TRNT1: variants seen among roughly 807,000 people sequenced by gnomAD.
TRNT1 encodes tRNA nucleotidyl transferase 1, also known as CCA tRNA nucleotidyltransferase 1, mitochondrial.
TRNT1 carries 44 observed loss-of-function variants against 45.6 expected under a neutral mutation model. The observed-to-expected ratio is 0.97, with a 90% CI of 0.76 to 1.24. The LOEUF (loss-of-function observed/expected upper bound fraction) is 1.24. Among genes scored for constraint, TRNT1 ranks in the 50% most tolerant of loss-of-function variants. The probability of loss-of-function intolerance (pLI) is 0.00; values close to 1 mark genes in which losing one functional copy is unlikely to be tolerated. For missense variants in TRNT1, 633 were observed against 504.4 expected (o/e 1.25, Z -2.44); for synonymous variants, 201 against 171.4 (o/e 1.17, Z -1.35).
intron 1 of TRNT1, among the ~76,000 whole-genome samples, chr3:3,128,322 C>T (rs1180100201): frequency 6.6e-6 from 1 of 152,196 alleles, no homozygotes; most frequent in African/African-American, 2.4e-5. Flanking sequence ...TGTGGCCGGG[C>T]TCAGTGGCTC....
At position 3,135,096 on chromosome 3, in the gene TRNT1, G is replaced by A. The variant is rs190882969; in HGVS notation, c.149-2164G>A. 5.8e-4 allele frequency among the ~76,000 whole-genome samples: 88 copies of A among 152,236 alleles called. 1 individual carries two copies. Among genetic ancestry groups the A allele is most frequent in the African/African-American group, 2.0e-3 (84 of 41,562 alleles). ...GTAGGTTTTCTTTTATGATACTTTTGTTTGCCATGTAGACATACAAATTTT... is the reference window on the plus strand; with the variant it reads ...GTAGGTTTTCTTTTATGATACTTTTATTTGCCATGTAGACATACAAATTTT... On this transcript the variant is annotated intron_variant, in intron 2 of 7. Coordinates refer to ENST00000251607, the MANE Select transcript of TRNT1 (RefSeq NM_182916.3).
At position 3,148,246 on chromosome 3, in the gene TRNT1, A is replaced by G; in HGVS notation, c.*92A>G. 1 of 1,432,694 alleles carries G rather than the reference A, an allele frequency of 7.0e-7. No homozygotes were observed. The highest frequency in any genetic ancestry group is 9.4e-7 in the Non-Finnish European group (1 of 1,058,486). 88.7% of individuals were successfully genotyped at this position (1,432,694 alleles called of 1,614,324 possible). On this transcript the variant is annotated 3_prime_UTR_variant, in exon 8 of 8. Coordinates refer to ENST00000251607, the MANE Select transcript of TRNT1 (RefSeq NM_182916.3). ...AGGTTTTAGAGACTACACCAGAATA[A>G]AAGACAGTTTAGGGGACCTCTGTAG... is the stretch of plus-strand genomic sequence containing the variant.
chr3:3,129,046 G>C lies in TRNT1; in HGVS notation c.6G>C (p.Leu2=). 6.2e-7 allele frequency: 1 copy of C among 1,608,092 alleles called. No individual in the cohort carries two copies. Among genetic ancestry groups the C allele is most frequent in the African/African-American group, 1.3e-5 (1 of 74,914 alleles). The change falls in exon 2 of 8, where the codon CTG becomes CTC. Residue 2 remains leucine, a synonymous_variant. Transcript: ENST00000251607. ...GTTGGTGACTGCCTCTCCAGATGCT[G>C]AGGTGCCTGTATCATTGGCACAGGC... M[L]RCLYHWHRPV...
chr3:3,142,965 G>C (rs550190017), intron 4 of TRNT1, among the ~76,000 whole-genome samples: 62 of 152,284 alleles, frequency 4.1e-4, no homozygotes, highest in African/African-American at 1.4e-3. Flanking sequence ...ACTATTAACA[G>C]CTTGGAAAGA....
intron 2 of TRNT1, among the ~76,000 whole-genome samples, chr3:3,133,530 C>G (rs1374504135): frequency 6.6e-6 from 1 of 151,558 alleles, no homozygotes; most frequent in Non-Finnish European, 1.5e-5. Flanking sequence ...TGCACTCCAG[C>G]CTGGATGACA....
chr3:3,146,875 T>G (rs1021300430), intron 6 of TRNT1, among the ~76,000 whole-genome samples: 2 of 152,164 alleles, frequency 1.3e-5, no homozygotes, highest in African/African-American at 4.8e-5. Context: ...CCTTATCTAG[T>G]CTTTGCAACT....
chr3:3,150,295 A>C (rs138344480), downstream of TRNT1: 1,664 of 152,114 alleles, frequency 0.011, 29 homozygotes, highest in Middle Eastern at 0.027. Context: ...TGCATATTTT[A>C]ACTAATTTTC....
intron 2 of TRNT1, among the ~76,000 whole-genome samples, chr3:3,133,470 G>A (rs1419927545): frequency 6.6e-6 from 1 of 151,892 alleles, no homozygotes; most frequent in African/African-American, 2.4e-5. Context: ...GAGGCAGGGG[G>A]TTCCTTGAAC....
downstream of TRNT1, chr3:3,152,390 T>C: frequency 6.6e-7 from 1 of 1,509,354 alleles, no homozygotes; most frequent in African/African-American, 1.4e-5. Flanking sequence ...TGCTTAGGAC[T>C]CTGGATTTTT....
In TRNT1 at chr3:3,140,574, C is replaced by G; in HGVS notation, c.407C>G (p.Ala136Gly). The change falls in exon 4 of 8, where the codon GCT becomes GGT. Residue 136 changes from alanine to glycine, a missense_variant. By Grantham distance (60) the Ala-to-Gly change is moderately conservative. Transcript: ENST00000251607. ...RIDVTTDGRH[A>G]EVEFTTDWQK... ...GATGTCACCACTGATGGAAGACATG[C>G]TGAGGTAGAATTTACAACTGACTGG... 2 of 1,614,130 alleles carry G rather than the reference C, an allele frequency of 1.2e-6. No individual in the cohort carries two copies. Among genetic ancestry groups the G allele is most frequent in the Non-Finnish European group, 1.7e-6 (2 of 1,179,994 alleles).
chr3:3,144,932 C>T (rs1705894080), intron 5 of TRNT1: 1 of 268,290 alleles, frequency 3.7e-6, no homozygotes, highest in Non-Finnish European at 6.7e-6. Context: ...TGTCATCTTT[C>T]CTACAATTTT....
At position 3,144,606 on chromosome 3, in the gene TRNT1, C is replaced by T. The variant is rs2126031139; in HGVS notation, c.504C>T (p.Asp168=). Residue 168 remains aspartate (D), a synonymous_variant, in exon 5 of 8, where the codon GAC becomes GAT. Transcript: ENST00000251607. ...MFLGFDGTLF[D]YFNGYEDLKN... ...TAGGTTTTGATGGCACTTTATTTGACTACTTTAATGGTTATGAAGATTTAA... is the reference window on the plus strand; with the variant it reads ...TAGGTTTTGATGGCACTTTATTTGATTACTTTAATGGTTATGAAGATTTAA... 1 of 1,582,236 alleles carries T rather than the reference C, an allele frequency of 6.3e-7. No homozygotes were observed. Among genetic ancestry groups the T allele is most frequent in the Non-Finnish European group, 8.6e-7 (1 of 1,160,436 alleles).
chr3:3,129,132 A>G lies in TRNT1; in HGVS notation c.92A>G (p.Lys31Arg), dbSNP rs1704822519. The G allele has an allele frequency of 6.2e-7, 1 of 1,613,952 alleles. No homozygotes were observed. The highest frequency in any genetic ancestry group is 1.3e-5 in the African/African-American group (1 of 74,918). The part of the protein sequence containing the change: ...CLPKQYLFTM[K>R]LQSPEFQSLF... ...CCGAAGCAGTATCTATTCACAATGA[A>G]GTTGCAGTCTCCCGAATTCCAGTCA... is the stretch of plus-strand genomic sequence containing the variant. The change falls in exon 2 of 8, where the codon AAG (lysine) becomes AGG (arginine). Residue 31 changes from lysine to arginine, a missense_variant. Coordinates refer to ENST00000251607, the MANE Select transcript of TRNT1 (RefSeq NM_182916.3).
Position 3,129,103 on chromosome 3 carries a change from C to T in TRNT1, c.63C>T (p.Cys21=), listed in dbSNP as rs1307913419. 3.1e-6 allele frequency: 5 copies of T among 1,613,782 alleles called. No individual in the cohort carries two copies. In the East Asian group the frequency reaches 1.1e-4, roughly 36 times the overall value. ...TGAACCGTAGGTGGAGTAGGCTGTG[C>T]CTTCCGAAGCAGTATCTATTCACAA... The part of the protein sequence containing the change: ...PVLNRRWSRL[C]LPKQYLFTMK... Residue 21 remains cysteine, a synonymous_variant, in exon 2 of 8, where the codon TGC becomes TGT. Transcript: ENST00000251607.
downstream of TRNT1, chr3:3,153,203 T>C: frequency 2.0e-6 from 1 of 489,752 alleles, no homozygotes; most frequent in Non-Finnish European, 3.7e-6. Context: ...TTGTTTTACT[T>C]TACCATGCTC....
In TRNT1 at chr3:3,128,613, A is replaced by G. The variant is rs918921489; in HGVS notation, c.-27-401A>G. Among the ~76,000 whole-genome samples the G allele has an allele frequency of 3.5e-4, 47 of 132,810 alleles. No individual in the cohort carries two copies. In the East Asian group the frequency reaches 8.6e-3, roughly 24 times the overall value. 87.1% of individuals were successfully genotyped at this position (132,810 alleles called of 152,430 possible). A position where few individuals can be genotyped will look rare whatever the true frequency, so the allele number is the denominator to read the frequency against. On this transcript the variant is annotated intron_variant, in intron 1 of 7. Transcript: ENST00000251607. Reference sequence around the variant, plus strand: ...GACTCCATCTCAAAAAAAAAAAAAAAAAAAAAAAGAATTCCTTTGTTATTT... The same window carrying G: ...GACTCCATCTCAAAAAAAAAAAAAAGAAAAAAAAGAATTCCTTTGTTATTT...
rs1655170920 is a variant in TRNT1 at position 3,146,561 on chromosome 3, T to G, written c.740T>G (p.Val247Gly). ...RIWVELKKIL[V>G]GNHVNHLIHL... ...TGGGTGGAACTGAAAAAAATTCTTG[T>G]TGGTAACCATGTAAATCATTTGATT... The change falls in exon 6 of 8, where the codon GTT (valine) becomes GGT (glycine). Residue 247 changes from valine (V) to glycine (G), a missense_variant. By Grantham distance (109) the Val-to-Gly change is moderately radical. Coordinates refer to ENST00000251607, the MANE Select transcript of TRNT1 (RefSeq NM_182916.3). 1.9e-6 allele frequency: 3 copies of G among 1,614,026 alleles called. No individual in the cohort carries two copies. The highest frequency in any genetic ancestry group is 2.5e-6 in the Non-Finnish European group (3 of 1,179,958).
At chr3:3,149,428 G>GT (rs1379712321), downstream of TRNT1, 18 of 150,526 alleles carry the variant, frequency 1.2e-4, no homozygotes, top group African/African-American at 4.3e-4. Context: ...GTATATGTGT[G>GT]TTTTTACAGA....
At chr3:3,144,915 T>C (rs1472069968) in intron 5 of TRNT1, 1 of 313,488 alleles carries the variant, frequency 3.2e-6, no homozygotes, top group Non-Finnish European at 5.5e-6. Context: ...AACGCACATA[T>C]ACTTTATGTC....
Sources: allele counts gnomAD v4.1 joint callset (sites outside exome capture counted in the v4.1 genomes callset), GRCh38; gene constraint gnomAD v4.1.1; transcripts MANE v1.5; gene names NCBI Gene and HGNC (gene_info 2026-07-23, HGNC 2026-07-21).